The following TMC1 variants were observed in gnomAD, a reference collection of about 807,000 sequenced individuals.
TMC1 encodes transmembrane channel-like protein 1.
A neutral mutation model predicts 105.8 loss-of-function variants in TMC1; 84 were observed. That is an observed-to-expected ratio of 0.79 (90% CI 0.67 to 0.95). TMC1 has a LOEUF of 0.95. TMC1 is among the 40% of genes least tolerant of loss of function. The pLI is 0.00. For synonymous variants in TMC1, 315 were observed against 311.5 expected, an observed-to-expected ratio of 1.01 and a Z score of -0.12; for missense variants, 817 against 914.1, an observed-to-expected ratio of 0.89 and a Z score of 1.37.
At chr9:72,611,948 C>T (rs1241711582) in intron 2 of TMC1, among the ~76,000 whole-genome samples, 1 of 152,154 alleles carries the variant, frequency 6.6e-6, no homozygotes, top group African/African-American at 2.4e-5. Context: ...CTCTTTCCTT[C>T]ACCATGCTGC....
chr9:72,818,376 G>A (rs1246359890), intron 19 of TMC1, among the ~76,000 whole-genome samples: 4 of 152,022 alleles, frequency 2.6e-5, no homozygotes, highest in Non-Finnish European at 4.4e-5. Context: ...CTTTATTTAC[G>A]CACTTATTTT....
intron 8 of TMC1, among the ~76,000 whole-genome samples, chr9:72,722,479 A>G (rs1827043903): frequency 1.3e-5 from 2 of 152,254 alleles, no homozygotes; most frequent in Middle Eastern, 3.4e-3. Context: ...ATAAAATTCA[A>G]ATGAATTCTC....
intron 12 of TMC1, among the ~76,000 whole-genome samples, chr9:72,770,263 T>C (rs1827903326): frequency 6.6e-6 from 1 of 150,798 alleles, no homozygotes; most frequent in Non-Finnish European, 1.5e-5. Context: ...AGAAGATATG[T>C]ATACACACAT....
intron 4 of TMC1, among the ~76,000 whole-genome samples, chr9:72,633,725 A>G (rs546603161): frequency 6.6e-6 from 1 of 152,248 alleles, no homozygotes; most frequent in South Asian, 2.1e-4. Flanking sequence ...AATGAATTCT[A>G]TTTCCTCCAC....
intron 1 of TMC1, among the ~76,000 whole-genome samples, chr9:72,551,651 G>A (rs1427758003): frequency 6.6e-6 from 1 of 152,126 alleles, no homozygotes; most frequent in African/African-American, 2.4e-5. Flanking sequence ...AGCTCTTGAG[G>A]GTTGAATTGA....
chr9:72,568,575 T>A (rs1418948497), intron 1 of TMC1, among the ~76,000 whole-genome samples: 1 of 152,218 alleles, frequency 6.6e-6, no homozygotes, highest in Admixed American at 6.5e-5. Flanking sequence ...ACTTACACTG[T>A]AAGCTTTATA....
At chr9:72,534,140 A>G (rs1372412942) in intron 1 of TMC1, among the ~76,000 whole-genome samples, 1 of 152,236 alleles carries the variant, frequency 6.6e-6, no homozygotes, top group East Asian at 1.9e-4. Flanking sequence ...CTCGAAATAA[A>G]TGAATAAATA....
chr9:72,661,115 G>T (rs772960861), intron 5 of TMC1, among the ~76,000 whole-genome samples: 1 of 151,348 alleles, frequency 6.6e-6, no homozygotes, highest in South Asian at 2.1e-4. Context: ...TCACGCCACC[G>T]CACTCCAGCC....
chr9:72,817,503 T>A (rs996137939), intron 19 of TMC1, among the ~76,000 whole-genome samples: 1 of 152,190 alleles, frequency 6.6e-6, no homozygotes, highest in African/African-American at 2.4e-5. Context: ...TTTGCTGTTA[T>A]GGCAGAAAAT....
At chr9:72,715,566 T>G (rs534745306) in intron 8 of TMC1, among the ~76,000 whole-genome samples, 1 of 152,226 alleles carries the variant, frequency 6.6e-6, no homozygotes, top group East Asian at 1.9e-4. Flanking sequence ...CTATTCATAC[T>G]CGTGTATGTT....
chr9:72,556,245 T>C lies in TMC1; in HGVS notation c.-427-21657T>C, dbSNP rs537471821. Among the ~76,000 whole-genome samples, 8 of 151,586 alleles carry C rather than the reference T, an allele frequency of 5.3e-5. No homozygotes were observed. In the East Asian group the frequency reaches 1.4e-3, roughly 27 times the overall value. On this transcript the variant is annotated intron_variant, in intron 1 of 23. Transcript: ENST00000297784. ...GATTCTCCTGCCTCAGCCTCCTGAG[T>C]AGCTGGGATTACAGGAACCTGCCAT...
intron 1 of TMC1, among the ~76,000 whole-genome samples, chr9:72,529,404 A>G (rs1169919096): frequency 6.6e-6 from 1 of 152,150 alleles, no homozygotes; most frequent in Non-Finnish European, 1.5e-5. Context: ...GCACCTGTGA[A>G]TAGTCACTGC....
intron 5 of TMC1, among the ~76,000 whole-genome samples, chr9:72,652,537 C>G (rs1448338683): frequency 6.6e-6 from 1 of 152,110 alleles, no homozygotes; most frequent in African/African-American, 2.4e-5. Flanking sequence ...AGGGAGTAGA[C>G]AGTTACCAGA....
chr9:72,751,298 T>C (rs139098062), intron 10 of TMC1, among the ~76,000 whole-genome samples: 1 of 152,366 alleles, frequency 6.6e-6, no homozygotes, highest in Non-Finnish European at 1.5e-5. Context: ...ATTTCAGCTT[T>C]TATACCATCC....
At chr9:72,547,192 C>A (rs1225651322) in intron 1 of TMC1, among the ~76,000 whole-genome samples, 4 of 149,906 alleles carry the variant, frequency 2.7e-5, no homozygotes, top group Non-Finnish European at 5.9e-5. Flanking sequence ...GAGGATGAGG[C>A]AGGAGAGTGG....
intron 3 of TMC1, among the ~76,000 whole-genome samples, chr9:72,617,909 G>A (rs1188860316): frequency 9.1e-5 from 1 of 10,948 alleles, no homozygotes; most frequent in Non-Finnish European, 1.8e-4. Flanking sequence ...TCTATGTGTG[G>A]TGTGTGTGTG....
chr9:72,723,989 A>G (rs953372290), intron 8 of TMC1, among the ~76,000 whole-genome samples: 1 of 152,228 alleles, frequency 6.6e-6, no homozygotes, highest in Admixed American at 6.5e-5. Context: ...CACATGGCCT[A>G]GTTAAATCAT....
At chr9:72,779,735 A>G (rs1458853541) in intron 13 of TMC1, among the ~76,000 whole-genome samples, 1 of 152,196 alleles carries the variant, frequency 6.6e-6, no homozygotes, top group African/African-American at 2.4e-5. Context: ...AAAGGAATGA[A>G]CAAAGCCTCC....
intron 1 of TMC1, among the ~76,000 whole-genome samples, chr9:72,556,339 A>G (rs1823940298): frequency 6.6e-6 from 1 of 150,398 alleles, no homozygotes. Context: ...CTGGTCTTGA[A>G]CTCCTGACCT....
Sources: gnomAD v4.1 joint callset for allele counts (sites outside exome capture counted in the v4.1 genomes callset) on GRCh38, gnomAD v4.1.1 for gene constraint, MANE v1.5 for transcripts, NCBI Gene and HGNC (gene_info 2026-07-23, HGNC 2026-07-21) for gene names.